Variants in ESCO2 observed in about 807,000 individuals in gnomAD.
ESCO2 encodes N-acetyltransferase ESCO2.
In ESCO2, 51 loss-of-function variants were observed where a neutral mutation model predicts 61.7. That is an observed-to-expected ratio of 0.83 (90% CI 0.66 to 1.04). The LOEUF (loss-of-function observed/expected upper bound fraction) is 1.04, where lower values mean the gene tolerates loss of function less well. Among genes scored for constraint, ESCO2 ranks in the 50% least tolerant of loss-of-function variants. The pLI, the probability that ESCO2 is intolerant of heterozygous loss-of-function variation, is 0.00. For missense variants in ESCO2, 692 were observed against 686.2 expected, an observed-to-expected ratio of 1.01 and a Z score of -0.09; for synonymous variants, 230 against 238.2, an observed-to-expected ratio of 0.97 and a Z score of 0.32.
chr8:27,805,711 A>C (rs1805551226), downstream of ESCO2, among the ~76,000 whole-genome samples: 2 of 152,122 alleles, frequency 1.3e-5, no homozygotes, highest in South Asian at 4.1e-4. Context: ...CCCAGGTTCA[A>C]GTGATCTTCC....
At chr8:27,772,633 C>G, upstream of ESCO2, 1 of 1,318,982 alleles carries the variant, frequency 7.6e-7, no homozygotes, top group Admixed American at 2.1e-5. Context: ...CGCCTGGCCC[C>G]CGGAACTCCT....
chr8:27,806,849 C>T (rs924057669), downstream of ESCO2, among the ~76,000 whole-genome samples: 8 of 152,110 alleles, frequency 5.3e-5, no homozygotes, highest in African/African-American at 1.7e-4. Flanking sequence ...CTCTTGACCT[C>T]CAATAATCCA....
chr8:27,803,153 TATC>T (rs1805487825), intron 10 of ESCO2, among the ~76,000 whole-genome samples, 150 bp from the exon 11 acceptor site: 1 of 152,212 alleles, frequency 6.6e-6, no homozygotes, highest in African/African-American at 2.4e-5. Flanking sequence ...TGTGAAATGA[TATC>T]ATTAGACTTC....
At chr8:27,814,663 C>A (rs1307775381), downstream of ESCO2, among the ~76,000 whole-genome samples, 1 of 152,230 alleles carries the variant, frequency 6.6e-6, no homozygotes, top group East Asian at 1.9e-4. Flanking sequence ...CCTCTGAGCC[C>A]TGCTTTAGCT....
At chr8:27,772,202 G>A (rs1804647092), upstream of ESCO2, 1 of 511,880 alleles carries the variant, frequency 2.0e-6, no homozygotes, top group Non-Finnish European at 3.5e-6. Flanking sequence ...GGTGTGTGGA[G>A]GAGCCCACAG....
upstream of ESCO2, chr8:27,772,201 A>G (rs1264536172): frequency 2.0e-6 from 1 of 510,866 alleles, no homozygotes; most frequent in Non-Finnish European, 3.5e-6. Context: ...AGGTGTGTGG[A>G]GGAGCCCACA....
chr8:27,803,524 TA>T lies in ESCO2; in HGVS notation c.*92del. On this transcript the variant is annotated 3_prime_UTR_variant, in exon 11 of 11. Coordinates refer to ENST00000305188, the MANE Select transcript of ESCO2 (RefSeq NM_001017420.3). ...AAATACAAACTATTTAATATCAAAA[TA>T]AAAAATACCGAGACTCACACTCATA... The T allele has an allele frequency of 6.5e-7, 1 of 1,539,618 alleles. No homozygotes were observed. Among genetic ancestry groups the T allele is most frequent in the South Asian group, 1.2e-5 (1 of 84,912 alleles).
rs373944853 is a variant in ESCO2 at position 27,799,668 on chromosome 8, G to A, written c.1625G>A (p.Arg542Lys). The change falls in exon 10 of 11, where the codon AGA becomes AAA. Residue 542 changes from arginine to lysine, a missense_variant. Transcript: ENST00000305188. ...GGGATAAGTAGAATCTGGGTTTTCA[G>A]ACTGAAGAGAAGAAAGCGCATTGCA... Reference protein sequence around the residue: ...VCGISRIWVFRLKRRKRIARR... With the variant: ...VCGISRIWVFKLKRRKRIARR... 9 of 1,613,756 alleles carry A rather than the reference G, an allele frequency of 5.6e-6. No individual in the cohort carries two copies. Among genetic ancestry groups the A allele is most frequent in the Non-Finnish European group, 6.8e-6 (8 of 1,179,998 alleles).
chr8:27,777,267 A>G, intron 3 of ESCO2, 98 bp downstream of exon 3: 1 of 1,082,266 alleles, frequency 9.2e-7, no homozygotes, highest in Non-Finnish European at 1.3e-6. Context: ...CTGCTTTTAT[A>G]AAGCCAGATA....
chr8:27,794,420 A>G (rs961667356), intron 9 of ESCO2, among the ~76,000 whole-genome samples: 1 of 152,040 alleles, frequency 6.6e-6, no homozygotes, highest in African/African-American at 2.4e-5. Flanking sequence ...AAAAATATCT[A>G]TTCTGGTTCT....
At position 27,777,111 on chromosome 8, in the gene ESCO2, A is replaced by C; in HGVS notation, c.803A>C (p.Glu268Ala). Reference sequence around the variant, plus strand: ...GTGCCAAAGTGCTTGGTCCTAGAAGAGAAATTGAAAATTGGACTACTGAGT... The same window carrying C: ...GTGCCAAAGTGCTTGGTCCTAGAAGCGAAATTGAAAATTGGACTACTGAGT... ...RQVPKCLVLE[E>A]KLKIGLLSAS... The change falls in exon 3 of 11, where the codon GAG (glutamate) becomes GCG (alanine). Residue 268 changes from glutamate to alanine, a missense_variant. Coordinates refer to ENST00000305188, the MANE Select transcript of ESCO2 (RefSeq NM_001017420.3). The C allele has an allele frequency of 1.3e-6, 2 of 1,595,680 alleles. No individual in the cohort carries two copies.
rs1225290168 is a variant in ESCO2 at position 27,792,029 on chromosome 8, G to A, written c.1330G>A (p.Asp444Asn). Residue 444 changes from aspartate (D) to asparagine (N), a missense_variant, in exon 8 of 11, where the codon GAT becomes AAT. By Grantham distance (23) the Asp-to-Asn change is conservative. Transcript: ENST00000305188. ...GAAAATCGTGTTGGTTCTGCCACATGATCCAAGCTTTGCTATCAAAAAGGT... is the reference window on the plus strand; with the variant it reads ...GAAAATCGTGTTGGTTCTGCCACATAATCCAAGCTTTGCTATCAAAAAGGT... ...DGKIVLVLPH[D>N]PSFAIKKVED... 1.2e-6 allele frequency: 2 copies of A among 1,614,038 alleles called. No individual in the cohort carries two copies. The highest frequency in any genetic ancestry group is 2.2e-5 in the East Asian group (1 of 44,866).
chr8:27,782,814 A>C (rs1804954480), intron 4 of ESCO2, among the ~76,000 whole-genome samples: 1 of 151,904 alleles, frequency 6.6e-6, no homozygotes, highest in African/African-American at 2.4e-5. Flanking sequence ...TTATCCTTAT[A>C]ACTTCTAGTC....
At chr8:27,818,186 A>C in the ESCO2 span, among the ~76,000 whole-genome samples, 3 of 152,212 alleles carry the variant, frequency 2.0e-5, no homozygotes, top group Non-Finnish European at 2.9e-5. Flanking sequence ...TGGTTGTTGT[A>C]AGTCACTGAA....
downstream of ESCO2, chr8:27,808,417 C>T (rs1299264035): frequency 5.2e-6 from 1 of 191,348 alleles, no homozygotes; most frequent in Non-Finnish European, 1.1e-5. Context: ...CACGGTGGCT[C>T]ACGCCTATAA....
Position 27,799,573 on chromosome 8 carries a change from A to G in ESCO2, c.1530A>G (p.Pro510=), listed in dbSNP as rs1805377742. The G allele has an allele frequency of 1.2e-6, 2 of 1,613,944 alleles. No individual in the cohort carries two copies. The highest frequency in any genetic ancestry group is 1.3e-5 in the African/African-American group (1 of 74,874). The change falls in exon 10 of 11, where the codon CCA becomes CCG. Residue 510 remains proline, a synonymous_variant. Coordinates refer to ENST00000305188, the MANE Select transcript of ESCO2 (RefSeq NM_001017420.3). ...AFRVLSEPIG[P]ESPSSTECPR... ...GTGTCCTGTCTGAACCAATTGGTCCAGAATCCCCAAGCTCTACGGAATGTC... is the reference window on the plus strand; with the variant it reads ...GTGTCCTGTCTGAACCAATTGGTCCGGAATCCCCAAGCTCTACGGAATGTC...
chr8:27,802,815 C>A (rs913003580), intron 10 of ESCO2, among the ~76,000 whole-genome samples: 1 of 149,946 alleles, frequency 6.7e-6, no homozygotes, highest in Non-Finnish European at 1.5e-5. Context: ...GGCGAGATAT[C>A]GGCTCACTGC....
At position 27,776,963 on chromosome 8, in the gene ESCO2, C is replaced by T. The variant is rs758260823; in HGVS notation, c.655C>T (p.Leu219Phe). 5.6e-6 allele frequency: 9 copies of T among 1,613,014 alleles called. No homozygotes were observed. Among genetic ancestry groups the T allele is most frequent in the South Asian group, 5.5e-5 (5 of 90,804 alleles). Residue 219 changes from leucine to phenylalanine, a missense_variant, in exon 3 of 11, where the codon CTT becomes TTT. Coordinates refer to ENST00000305188, the MANE Select transcript of ESCO2 (RefSeq NM_001017420.3). ...ATTTTTTGTTAGAAAAAAATCTTCT[C>T]TTAGAAAATCGTCCCTGGAAAATGA... is the stretch of plus-strand genomic sequence containing the variant. Reference protein sequence around the residue: ...AAFFVRKKSSLRKSSLENEPS... With the variant: ...AAFFVRKKSSFRKSSLENEPS...
downstream of ESCO2, chr8:27,809,627 T>C (rs1274128155): frequency 1.3e-5 from 2 of 152,194 alleles, no homozygotes; most frequent in African/African-American, 2.4e-5. Context: ...CACCTTCTGG[T>C]ACCCAAAGTG....
Sources: allele counts gnomAD v4.1 joint callset (sites outside exome capture counted in the v4.1 genomes callset), GRCh38; gene constraint gnomAD v4.1.1; transcripts MANE v1.5; gene names NCBI Gene and HGNC (gene_info 2026-07-23, HGNC 2026-07-21).